The following IL36B variants were observed in gnomAD, a reference collection of about 807,000 sequenced individuals.
The protein encoded by IL36B is interleukin-36 beta.
In IL36B, 23 loss-of-function variants were observed where a neutral mutation model predicts 19.3. The ratio of observed to expected loss-of-function variants is 1.19; its 90% CI spans 0.86 to 1.69. IL36B has a LOEUF of 1.69. IL36B is among the 40% of genes most tolerant of loss of function. The pLI is 0.00. For missense variants in IL36B, 217 were observed against 200.5 expected (o/e 1.08, Z -0.50); for synonymous variants, 59 against 59.7 (o/e 0.99, Z 0.05).
intron 5 of IL36B, among the ~76,000 whole-genome samples, chr2:113,025,635 G>A (rs192391998): frequency 3.8e-4 from 58 of 152,278 alleles, no homozygotes; most frequent in African/African-American, 1.4e-3. Context: ...GGACCTCGCA[G>A]AAGATAAGAT....
chr2:113,034,687 G>A (rs1685135661), intron 1 of IL36B, among the ~76,000 whole-genome samples: 1 of 152,220 alleles, frequency 6.6e-6, no homozygotes, highest in Non-Finnish European at 1.5e-5. Context: ...AAGAGAAAAG[G>A]GGAGTGGGAT....
At chr2:113,045,629 T>C (rs1342675197) in intron 1 of IL36B, among the ~76,000 whole-genome samples, 1 of 152,222 alleles carries the variant, frequency 6.6e-6, no homozygotes, top group African/African-American at 2.4e-5. Context: ...TATCACTGAT[T>C]CTCTGTTCTT....
chr2:113,041,357 C>T (rs903547464), intron 1 of IL36B, among the ~76,000 whole-genome samples: 9 of 152,022 alleles, frequency 5.9e-5, no homozygotes, highest in Non-Finnish European at 8.8e-5. Context: ...AAAGAGATAC[C>T]TTTTAAACAA....
At chr2:113,034,595 G>A (rs1158588095) in intron 1 of IL36B, among the ~76,000 whole-genome samples, 4 of 152,144 alleles carry the variant, frequency 2.6e-5, no homozygotes, top group Admixed American at 6.5e-5. Flanking sequence ...GGAATGGTGC[G>A]GACCTCTTAT....
intron 4 of IL36B, 142 bp from the exon 5 acceptor site, chr2:113,028,257 G>A (rs1351906618): frequency 9.0e-6 from 6 of 668,406 alleles, no homozygotes; most frequent in Non-Finnish European, 1.5e-5. Context: ...ATGAAGCAGG[G>A]CATTAGAGTG....
At chr2:113,032,133 C>CTGTGTGTG (rs56385654) in intron 1 of IL36B, among the ~76,000 whole-genome samples, 8,562 of 143,926 alleles carry the variant, frequency 0.059, 294 homozygotes, top group South Asian at 0.081. Flanking sequence ...GTGTGTGTGT[C>CTGTGTGTG]TGTGTGTGTG....
At chr2:113,049,632 A>T (rs1457541569) in intron 1 of IL36B, among the ~76,000 whole-genome samples, 1 of 152,206 alleles carries the variant, frequency 6.6e-6, no homozygotes, top group Non-Finnish European at 1.5e-5. Flanking sequence ...ATTAGAAAAA[A>T]ATAGAAAATA....
chr2:113,042,002 A>G (rs1685266381), intron 1 of IL36B, among the ~76,000 whole-genome samples: 1 of 152,246 alleles, frequency 6.6e-6, no homozygotes, highest in Admixed American at 6.5e-5. Flanking sequence ...GGGAGCTGAC[A>G]GTAGTGACAA....
intron 1 of IL36B, among the ~76,000 whole-genome samples, chr2:113,032,133 C>CTG (rs56385654): frequency 0.16 from 22,862 of 143,744 alleles, 1,807 homozygotes; most frequent in African/African-American, 0.18. Flanking sequence ...GTGTGTGTGT[C>CTG]TGTGTGTGTG....
At chr2:113,041,869 C>T (rs1468767514) in intron 1 of IL36B, among the ~76,000 whole-genome samples, 3 of 152,194 alleles carry the variant, frequency 2.0e-5, no homozygotes, top group Admixed American at 1.3e-4. Context: ...CCTCCTGCCT[C>T]AGCCTCCCGA....
chr2:113,048,425 G>T (rs1685385059), intron 1 of IL36B, among the ~76,000 whole-genome samples: 1 of 152,166 alleles, frequency 6.6e-6, no homozygotes, highest in Admixed American at 6.5e-5. Flanking sequence ...CTGAGTGACA[G>T]AGTGAGACTC....
At chr2:113,025,631 C>T (rs1224358908) in intron 5 of IL36B, among the ~76,000 whole-genome samples, 10 of 152,076 alleles carry the variant, frequency 6.6e-5, no homozygotes, top group Admixed American at 6.6e-5. Flanking sequence ...CTATGGACCT[C>T]GCAGAAGATA....
At chr2:113,043,722 T>C (rs1330849713) in intron 1 of IL36B, among the ~76,000 whole-genome samples, 1 of 152,122 alleles carries the variant, frequency 6.6e-6, no homozygotes, top group East Asian at 1.9e-4. Flanking sequence ...CCCAGCTAAC[T>C]TTTGTATTTT....
chr2:113,028,125 G>A lies in IL36B; in HGVS notation c.261+814C>T. ...CCATGATATTTTTTTCCTGGGGGTG[G>A]AAAAGAGGCTTGTTAGAGAGGAGGA... On this transcript the variant is annotated intron_variant, in intron 4 of 5. Transcript: ENST00000259213. The A allele has an allele frequency of 6.2e-7, 1 of 1,611,644 alleles. No individual in the cohort carries two copies.
chr2:113,033,956 A>G (rs1399166575), intron 1 of IL36B, among the ~76,000 whole-genome samples: 2 of 152,138 alleles, frequency 1.3e-5, no homozygotes, highest in African/African-American at 4.8e-5. Context: ...GAAATCCACC[A>G]TTGACTCTAT....
chr2:113,031,312 G>A (rs547802380), intron 2 of IL36B, among the ~76,000 whole-genome samples, 157 bp from the exon 3 acceptor site: 10 of 152,252 alleles, frequency 6.6e-5, no homozygotes, highest in Non-Finnish European at 1.3e-4. Flanking sequence ...ATAGGGCAGG[G>A]ACTAGTTTGT....
chr2:113,031,976 C>T (rs190395855), intron 1 of IL36B, among the ~76,000 whole-genome samples: 105 of 152,288 alleles, frequency 6.9e-4, no homozygotes, highest in South Asian at 3.5e-3. Flanking sequence ...GTGGCTGGCA[C>T]AGTCCTGCTT....
At chr2:113,041,991 A>G (rs1490904315) in intron 1 of IL36B, among the ~76,000 whole-genome samples, 1 of 152,198 alleles carries the variant, frequency 6.6e-6, no homozygotes, top group Non-Finnish European at 1.5e-5. Context: ...GGCTTTTTCC[A>G]GGGAGCTGAC....
intron 5 of IL36B, among the ~76,000 whole-genome samples, chr2:113,023,452 T>G (rs1246906375): frequency 1.3e-5 from 2 of 152,210 alleles, no homozygotes; most frequent in Non-Finnish European, 2.9e-5. Flanking sequence ...ATAAAACTGA[T>G]TTTAGTGAAC....
Sources: gnomAD v4.1 joint callset for allele counts (sites outside exome capture counted in the v4.1 genomes callset) on GRCh38, gnomAD v4.1.1 for gene constraint, MANE v1.5 for transcripts, NCBI Gene and HGNC (gene_info 2026-07-23, HGNC 2026-07-21) for gene names.